PCNX2: variants seen among roughly 807,000 people sequenced by gnomAD.
The protein encoded by PCNX2 is pecanex-like protein 2.
Under a neutral mutation model 223.8 loss-of-function variants are expected in PCNX2, and 168 were observed. The ratio of observed to expected loss-of-function variants is 0.75; its 90% confidence interval spans 0.66 to 0.85. The LOEUF is 0.85. PCNX2 is among the 40% of genes least tolerant of loss of function. The pLI is 0.00. For missense variants in PCNX2, 2,507 were observed against 2,675.5 expected (o/e 0.94, Z 1.39); for synonymous variants, 1,006 against 1,052.6 (o/e 0.96, Z 0.86).
chr1:233,297,784 G>C (rs2103036405), upstream of PCNX2, among the ~76,000 whole-genome samples: 3 of 152,294 alleles, frequency 2.0e-5, no homozygotes, highest in Admixed American at 2.0e-4. Context: ...CTGGAAGGCT[G>C]AAGCATGCAT....
intron 17 of PCNX2, among the ~76,000 whole-genome samples, chr1:233,175,161 G>GGC (rs1298255106): frequency 1.4e-5 from 2 of 147,880 alleles, no homozygotes; most frequent in Non-Finnish European, 2.9e-5. Flanking sequence ...CAGAGACAAT[G>GGC]GGAGGGGGGT....
At chr1:233,003,208 G>A (rs1349545956) in intron 28 of PCNX2, among the ~76,000 whole-genome samples, 1 of 152,180 alleles carries the variant, frequency 6.6e-6, no homozygotes, top group East Asian at 1.9e-4. Context: ...TACCATCAGA[G>A]TGAACAGGCA....
At chr1:233,217,787 T>C (rs993918683) in intron 12 of PCNX2, 112 bp downstream of exon 12, 5 of 1,065,058 alleles carry the variant, frequency 4.7e-6, no homozygotes, top group Middle Eastern at 3.0e-4. Flanking sequence ...CTATTTTATA[T>C]TCAGTATAGA....
In PCNX2 at chr1:233,200,257, T is replaced by TA; in HGVS notation, c.2870dup (p.Leu957PhefsTer28). 1 of 1,567,186 alleles carries TA rather than the reference T, an allele frequency of 6.4e-7. No homozygotes were observed. The highest frequency in any genetic ancestry group is 8.7e-7 in the Non-Finnish European group (1 of 1,154,132). ...GGAGGGAAATAGCAGGGAAGCAATA[T>TA]AAAAATACTGAAAATGAACAAACAA... On this transcript the variant is annotated frameshift_variant, in exon 14 of 34. Transcript: ENST00000258229. LOFTEE classifies it high-confidence loss of function.
intron 25 of PCNX2, among the ~76,000 whole-genome samples, chr1:233,046,826 C>T (rs74607631): frequency 0.035 from 5,302 of 152,240 alleles, 128 homozygotes; most frequent in East Asian, 0.081. Flanking sequence ...TGACAAATAA[C>T]GCCTCCCTGT....
chr1:233,008,412 A>C (rs1670358083), intron 28 of PCNX2, among the ~76,000 whole-genome samples: 1 of 152,180 alleles, frequency 6.6e-6, no homozygotes, highest in Non-Finnish European at 1.5e-5. Context: ...CTGAAGCTTA[A>C]ATCTTGGTTC....
Position 233,014,685 on chromosome 1 carries a change from G to A in PCNX2, c.4932C>T (p.Ala1644=), listed in dbSNP as rs753642963. The change falls in exon 28 of 34, where the codon GCC becomes GCT. Residue 1644 remains alanine (A), a synonymous_variant. Transcript: ENST00000258229. ...GGTACCTGATGGCCATATTGTGAGC[G>A]GCTGTTCCCAGAGCTCTCCTCCCCA... ...CTLGRRALGT[A]AHNMAISLDS... is the part of the protein sequence containing the mutation. The A allele has an allele frequency of 3.2e-5, 51 of 1,613,794 alleles. No individual in the cohort carries two copies. Among genetic ancestry groups the A allele is most frequent in the South Asian group, 7.7e-5 (7 of 91,082 alleles).
At chr1:233,198,029 T>C (rs2102889975) in intron 15 of PCNX2, among the ~76,000 whole-genome samples, 1 of 152,300 alleles carries the variant, frequency 6.6e-6, no homozygotes, top group Non-Finnish European at 1.5e-5. Flanking sequence ...TATACTGTTA[T>C]ATTTAGACTT....
chr1:233,115,919 T>C (rs1675381782), intron 21 of PCNX2, among the ~76,000 whole-genome samples: 1 of 152,136 alleles, frequency 6.6e-6, no homozygotes, highest in Non-Finnish European at 1.5e-5. Context: ...TGTAATGATA[T>C]GAACAGTTTG....
intron 17 of PCNX2, among the ~76,000 whole-genome samples, chr1:233,171,362 A>G (rs557269258): frequency 4.1e-4 from 62 of 152,012 alleles, no homozygotes; most frequent in African/African-American, 1.5e-3. Flanking sequence ...CTACTGAAAA[A>G]TATCTTCAGA....
At position 232,984,269 on chromosome 1, in the gene PCNX2, G is replaced by C. The variant is rs571456837; in HGVS notation, c.*35C>G. The C allele has an allele frequency of 9.1e-6, 14 of 1,543,432 alleles. No homozygotes were observed. Among genetic ancestry groups the C allele is most frequent in the African/African-American group, 5.4e-5 (4 of 73,484 alleles). ...GGAGAGCAATGCAGGTGGGAGGTGT[G>C]GGGGAGCCAGCCTCCCCGCCCGGCC... On this transcript the variant is annotated 3_prime_UTR_variant, in exon 34 of 34. Coordinates refer to ENST00000258229, the MANE Select transcript of PCNX2 (RefSeq NM_014801.4).
In PCNX2 at chr1:233,000,297, C is replaced by T. The variant is rs374948447; in HGVS notation, c.5328+8G>A. 54 of 1,613,356 alleles carry T rather than the reference C, an allele frequency of 3.3e-5. No individual in the cohort carries two copies. The highest frequency in any genetic ancestry group is 1.6e-4 in the African/African-American group (12 of 74,888). ...CAACAGGGGACCCAGAAAGTGTGGCCGCCATACCTTGATCACCTTGAAGCT... is the reference window on the plus strand; with the variant it reads ...CAACAGGGGACCCAGAAAGTGTGGCTGCCATACCTTGATCACCTTGAAGCT... On this transcript the variant is annotated splice_region_variant and intron_variant, in intron 30 of 33. Coordinates refer to ENST00000258229, the MANE Select transcript of PCNX2 (RefSeq NM_014801.4). This position sits in a 1 kb window ranked among gnomAD's most constrained non-coding sequence, Gnocchi z 4.6.
chr1:233,283,849 AAT>A (rs1474139373), intron 1 of PCNX2, among the ~76,000 whole-genome samples: 2 of 152,234 alleles, frequency 1.3e-5, no homozygotes, highest in Non-Finnish European at 2.9e-5. Context: ...TTGGAAATAC[AAT>A]ATAAAGAGTT....
At chr1:233,290,691 A>G in intron 1 of PCNX2, 4 of 941,332 alleles carry the variant, frequency 4.2e-6, no homozygotes, top group Non-Finnish European at 5.1e-6. Context: ...CTTGACAGAT[A>G]ATCCTATTAA....
At chr1:233,073,797 G>A (rs1455532725) in intron 23 of PCNX2, among the ~76,000 whole-genome samples, 2 of 149,458 alleles carry the variant, frequency 1.3e-5, no homozygotes, top group Non-Finnish European at 3.0e-5. Flanking sequence ...AAAATTTTTT[G>A]AAGAGACCCA....
intron 17 of PCNX2, among the ~76,000 whole-genome samples, chr1:233,169,861 T>C (rs1443363661): frequency 6.6e-6 from 1 of 150,556 alleles, no homozygotes; most frequent in Non-Finnish European, 1.5e-5. Flanking sequence ...CTGGTGAAAA[T>C]CATTTTCTTG....
intron 26 of PCNX2, among the ~76,000 whole-genome samples, chr1:233,017,530 A>C (rs1403171661): frequency 6.6e-6 from 1 of 151,960 alleles, no homozygotes; most frequent in Non-Finnish European, 1.5e-5. Context: ...GTTAGCCAGG[A>C]TGGTCTCGAT....
At chr1:233,307,557 C>A in the PCNX2 span, among the ~76,000 whole-genome samples, 1 of 152,150 alleles carries the variant, frequency 6.6e-6, no homozygotes, top group East Asian at 1.9e-4. Context: ...AATTACCCAG[C>A]CTCAGGTATT....
chr1:233,273,147 T>TAA (rs34006105), intron 1 of PCNX2, among the ~76,000 whole-genome samples: 15 of 147,768 alleles, frequency 1.0e-4, no homozygotes, highest in South Asian at 8.6e-4. Flanking sequence ...CCTATGGAAA[T>TAA]AAAAAAAAAT....
Sources: gnomAD v4.1 joint callset for allele counts (sites outside exome capture counted in the v4.1 genomes callset) on GRCh38, gnomAD v4.1.1 for gene constraint, Gnocchi (gnomAD v3.1) non-coding constraint, MANE v1.5 for transcripts, NCBI Gene and HGNC (gene_info 2026-07-23, HGNC 2026-07-21) for gene names.